SCFD2: variants seen among roughly 807,000 people sequenced by gnomAD.
The protein encoded by SCFD2 is sec1 family domain containing 2.
SCFD2 carries 54 observed loss-of-function variants against 58.9 expected under a neutral mutation model. The ratio of observed to expected loss-of-function variants is 0.92; its 90% CI spans 0.74 to 1.15. SCFD2 has a LOEUF of 1.15. Ranked by LOEUF, SCFD2 falls within the 50% of genes most tolerant of loss-of-function variation. The pLI is 0.00. For synonymous variants in SCFD2, 321 were observed against 335.9 expected (o/e 0.96, Z 0.49); for missense variants, 805 against 836.6 (o/e 0.96, Z 0.47).
intron 6 of SCFD2, among the ~76,000 whole-genome samples, chr4:52,911,753 T>C (rs1156500474): frequency 2.6e-5 from 4 of 152,244 alleles, no homozygotes; most frequent in Non-Finnish European, 4.4e-5. Flanking sequence ...GAAAATGTGA[T>C]AGTTATCAAG....
intron 2 of SCFD2, among the ~76,000 whole-genome samples, chr4:53,343,632 C>T (rs1383670453): frequency 6.6e-5 from 10 of 152,110 alleles, no homozygotes; most frequent in African/African-American, 9.7e-5. Flanking sequence ...ATATTAAAGC[C>T]GGGCATAGAC....
At chr4:52,923,100 G>C (rs924589715) in intron 5 of SCFD2, among the ~76,000 whole-genome samples, 5 of 152,126 alleles carry the variant, frequency 3.3e-5, no homozygotes, top group Non-Finnish European at 7.3e-5. Flanking sequence ...GTGACATTGT[G>C]TGTAATAACT....
chr4:53,352,759 A>G lies in SCFD2; in HGVS notation c.846T>C (p.Val282=). Residue 282 remains valine (V), a synonymous_variant, in exon 2 of 9, where the codon GTT becomes GTC. Coordinates refer to ENST00000401642, the MANE Select transcript of SCFD2 (RefSeq NM_152540.4). Reference sequence around the variant, plus strand: ...CTACTAAGTTGTCTCCATGATGTCCAACTGCTCCTGTTTAAGCAGACAAGA... The same window carrying G: ...CTACTAAGTTGTCTCCATGATGTCCGACTGCTCCTGTTTAAGCAGACAAGA... ...VDRTLDLTGA[V]GHHGDNLVEK... is the part of the protein sequence containing the mutation. 2 of 1,613,616 alleles carry G rather than the reference A, an allele frequency of 1.2e-6. No individual in the cohort carries two copies. The highest frequency in any genetic ancestry group is 1.7e-6 in the Non-Finnish European group (2 of 1,179,600).
intron 4 of SCFD2, among the ~76,000 whole-genome samples, chr4:53,218,190 G>A (rs2148991738): frequency 6.6e-6 from 1 of 152,260 alleles, no homozygotes; most frequent in South Asian, 2.1e-4. Flanking sequence ...ATGTTGGCCT[G>A]CCTTGCTAGA....
intron 5 of SCFD2, among the ~76,000 whole-genome samples, chr4:53,075,826 TA>T (rs1723956069): frequency 2.6e-5 from 4 of 152,070 alleles, no homozygotes; most frequent in Admixed American, 2.6e-4. Context: ...GATATAAAAA[TA>T]ATGACTAAGT....
At chr4:53,128,053 A>T (rs1247120704) in intron 5 of SCFD2, among the ~76,000 whole-genome samples, 1 of 53,624 alleles carries the variant, frequency 1.9e-5, no homozygotes, top group Non-Finnish European at 4.9e-5. Context: ...ATGTCCTAAA[A>T]AAAAAAAAAA....
At chr4:53,007,701 T>C (rs1022978675) in intron 5 of SCFD2, among the ~76,000 whole-genome samples, 6 of 152,224 alleles carry the variant, frequency 3.9e-5, no homozygotes, top group African/African-American at 1.4e-4. Context: ...CTATCAAAGT[T>C]TGATAACTGC....
rs34974545 is a variant in SCFD2 at position 53,337,871 on chromosome 4, T to TA, written c.1007+14726dup. On this transcript the variant is annotated intron_variant, in intron 2 of 8. Coordinates refer to ENST00000401642, the MANE Select transcript of SCFD2 (RefSeq NM_152540.4). ...ATAAACATTATAAATTTTGCTTCAG[T>TA]AAAAAAAATGCATAAACAGACTATT... Among the ~76,000 whole-genome samples, 105 of 151,932 alleles carry TA rather than the reference T, an allele frequency of 6.9e-4. 1 individual carries two copies. The highest frequency in any genetic ancestry group is 2.5e-4 in the Non-Finnish European group (17 of 67,948).
intron 4 of SCFD2, among the ~76,000 whole-genome samples, chr4:53,171,120 T>C (rs908675423): frequency 3.3e-5 from 5 of 152,192 alleles, no homozygotes; most frequent in Admixed American, 1.3e-4. Context: ...GAAGAGAAGC[T>C]TTCAACTTTT....
intron 5 of SCFD2, among the ~76,000 whole-genome samples, chr4:53,092,410 T>G (rs1247406623): frequency 6.6e-6 from 1 of 152,096 alleles, no homozygotes; most frequent in Non-Finnish European, 1.5e-5. Flanking sequence ...AAACATACAC[T>G]TACCAAACAA....
chr4:53,279,131 G>A (rs1221854295), intron 3 of SCFD2, among the ~76,000 whole-genome samples: 2 of 152,020 alleles, frequency 1.3e-5, no homozygotes, highest in Non-Finnish European at 2.9e-5. Context: ...CAAAACCCTT[G>A]ACAGACAGAT....
rs550598345 is a variant in SCFD2, at chr4:53,329,334, T to G, written c.1008-15571A>C. 2.5e-4 allele frequency among the ~76,000 whole-genome samples: 38 copies of G among 152,090 alleles called. No individual in the cohort carries two copies. The Middle Eastern group carries it at 0.014, about 54-fold the overall frequency. On this transcript the variant is annotated intron_variant, in intron 2 of 8. Transcript: ENST00000401642. ...AAGACAGCAGTAACCTCTGCAGACT[T>G]AAATGTCCCTGTCTGACAGCTTTGA...
chr4:53,348,406 C>T (rs1033602698), intron 2 of SCFD2, among the ~76,000 whole-genome samples: 5 of 151,988 alleles, frequency 3.3e-5, no homozygotes, highest in African/African-American at 1.2e-4. Context: ...TAGGTTTGGT[C>T]GAAGGTAGTA....
At chr4:53,180,086 GAAC>G (rs1022665813) in intron 4 of SCFD2, among the ~76,000 whole-genome samples, 104 of 152,264 alleles carry the variant, frequency 6.8e-4, no homozygotes, top group African/African-American at 2.3e-3. Context: ...ACATTAGACA[GAAC>G]AACGAGACAG....
chr4:53,315,156 T>C (rs1317077993), intron 2 of SCFD2, among the ~76,000 whole-genome samples: 1 of 151,482 alleles, frequency 6.6e-6, no homozygotes, highest in African/African-American at 2.4e-5. Context: ...AGGAATGATT[T>C]CTACTGGAAA....
At chr4:52,971,371 C>A (rs1276522270) in intron 5 of SCFD2, among the ~76,000 whole-genome samples, 1 of 152,146 alleles carries the variant, frequency 6.6e-6, no homozygotes, top group East Asian at 1.9e-4. Flanking sequence ...ATGACGAATG[C>A]ACAAGCCTCG....
chr4:53,292,554 G>C (rs1731875513), intron 3 of SCFD2, among the ~76,000 whole-genome samples: 1 of 152,148 alleles, frequency 6.6e-6, no homozygotes. Flanking sequence ...TGAAACAACA[G>C]ATGTTGGTGA....
intron 5 of SCFD2, among the ~76,000 whole-genome samples, chr4:53,128,404 C>G (rs1339946982): frequency 6.6e-6 from 1 of 152,144 alleles, no homozygotes; most frequent in Admixed American, 6.5e-5. Context: ...ATGTTCATCT[C>G]TAAAATTAAA....
chr4:53,069,075 C>G (rs144383458), intron 5 of SCFD2, among the ~76,000 whole-genome samples: 7 of 152,028 alleles, frequency 4.6e-5, no homozygotes, highest in Non-Finnish European at 8.8e-5. Context: ...TGGCAGGATT[C>G]TCAGTATGCA....
Sources: gnomAD v4.1 joint callset for allele counts (sites outside exome capture counted in the v4.1 genomes callset) on GRCh38, gnomAD v4.1.1 for gene constraint, MANE v1.5 for transcripts, NCBI Gene and HGNC (gene_info 2026-07-23, HGNC 2026-07-21) for gene names.